The following OSBPL6 variants were observed in gnomAD, a reference collection of about 807,000 sequenced individuals.
OSBPL6 encodes oxysterol-binding protein-related protein 6.
In OSBPL6, 49 loss-of-function variants were observed where a neutral mutation model predicts 125.8. That is an observed-to-expected ratio of 0.39 (90% confidence interval 0.31 to 0.49). OSBPL6 has a LOEUF of 0.49. OSBPL6 is among the 20% of genes least tolerant of loss of function. The probability of loss-of-function intolerance (pLI) is 0.88; values close to 1 mark genes in which losing one functional copy is unlikely to be tolerated. For synonymous variants in OSBPL6, 394 were observed against 391.8 expected, an observed-to-expected ratio of 1.01 and a Z score of -0.07; for missense variants, 986 against 1,135.4, an observed-to-expected ratio of 0.87 and a Z score of 1.89.
intron 1 of OSBPL6, among the ~76,000 whole-genome samples, chr2:178,263,542 T>C (rs1365492744): frequency 1.3e-5 from 2 of 152,182 alleles, no homozygotes; most frequent in Non-Finnish European, 2.9e-5. Flanking sequence ...CCTAGCATCC[T>C]TGGTTTATAA....
At chr2:178,208,106 G>A (rs914283365) in intron 1 of OSBPL6, among the ~76,000 whole-genome samples, 1 of 152,028 alleles carries the variant, frequency 6.6e-6, no homozygotes, top group Admixed American at 6.6e-5. Context: ...CCAACATGGT[G>A]AAACCCCATC....
At chr2:178,364,072 T>G (rs1257740735) in intron 13 of OSBPL6, among the ~76,000 whole-genome samples, 1 of 152,232 alleles carries the variant, frequency 6.6e-6, no homozygotes, top group Non-Finnish European at 1.5e-5. Flanking sequence ...GTATTTAAGT[T>G]TACTGACAGT....
At chr2:178,250,744 G>A (rs984261773) in intron 1 of OSBPL6, among the ~76,000 whole-genome samples, 3 of 151,950 alleles carry the variant, frequency 2.0e-5, no homozygotes, top group Non-Finnish European at 4.4e-5. Context: ...GTCTCATATC[G>A]TGCACTATAA....
At position 178,202,832 on chromosome 2, in the gene OSBPL6, AAAAG is replaced by A. The variant is rs1366971586; in HGVS notation, c.-351+8170_-351+8173del. ...GTGAGACTGTCTCAAAAAAAAAAAA[AAAAG>A]AAAGAAAGAAAAAGATTCTTTTTAT... On this transcript the variant is annotated intron_variant, in intron 1 of 24. Transcript: ENST00000190611. 8.4e-4 allele frequency among the ~76,000 whole-genome samples: 127 copies of A among 151,682 alleles called. 2 individuals are homozygous for A. The highest frequency in any genetic ancestry group is 3.0e-3 in the African/African-American group (122 of 41,328).
chr2:178,339,214 A>G (rs1340329473), intron 10 of OSBPL6, 120 bp downstream of exon 10: 2 of 533,156 alleles, frequency 3.8e-6, no homozygotes, highest in East Asian at 3.3e-5. Flanking sequence ...ACAGACATTC[A>G]TTTATATTCT....
chr2:178,317,188 A>G (rs1687814244), intron 3 of OSBPL6, among the ~76,000 whole-genome samples: 1 of 151,698 alleles, frequency 6.6e-6, no homozygotes, highest in Non-Finnish European at 1.5e-5. Context: ...TAAAATTGTC[A>G]GCAAATATTA....
chr2:178,194,477 A>T (rs2088729564), upstream of OSBPL6: 1 of 151,990 alleles, frequency 6.6e-6, no homozygotes, highest in African/African-American at 2.4e-5. Flanking sequence ...AGCGCAGCGG[A>T]CCACTGGAGG....
rs778014032 is a variant in OSBPL6 at position 178,332,863 on chromosome 2, T to C, written c.487-8T>C. On this transcript the variant is annotated splice_region_variant and splice_polypyrimidine_tract_variant and intron_variant, in intron 7 of 24. Coordinates refer to ENST00000190611, the MANE Select transcript of OSBPL6 (RefSeq NM_032523.4). Reference sequence around the variant, plus strand: ...ACAATTACTTTCTCCTCTCGTTCATTGTTTTAGGTGAAATCCCAGGACTGG... The same window carrying C: ...ACAATTACTTTCTCCTCTCGTTCATCGTTTTAGGTGAAATCCCAGGACTGG... 3.1e-6 allele frequency: 5 copies of C among 1,609,266 alleles called. No homozygotes were observed. The highest frequency in any genetic ancestry group is 4.3e-6 in the Non-Finnish European group (5 of 1,176,266).
At chr2:178,303,081 A>G (rs1159371900) in intron 2 of OSBPL6, among the ~76,000 whole-genome samples, 1 of 152,202 alleles carries the variant, frequency 6.6e-6, no homozygotes, top group Admixed American at 6.5e-5. Context: ...GGAATCAGAA[A>G]CTTCACTCAC....
At chr2:178,318,934 G>A (rs1688001014) in intron 3 of OSBPL6, among the ~76,000 whole-genome samples, 1 of 152,198 alleles carries the variant, frequency 6.6e-6, no homozygotes, top group African/African-American at 2.4e-5. Context: ...CCTACTGTGT[G>A]CCAGCCTTTG....
At chr2:178,355,104 T>TA (rs1180470614) in intron 12 of OSBPL6, among the ~76,000 whole-genome samples, 3 of 152,198 alleles carry the variant, frequency 2.0e-5, no homozygotes, top group African/African-American at 7.2e-5. Flanking sequence ...GAGGGAAATT[T>TA]ATAGCACTAA....
In OSBPL6 at chr2:178,324,272, C is replaced by G; in HGVS notation, c.195+3C>G. 12 of 1,559,300 alleles carry G rather than the reference C, an allele frequency of 7.7e-6. No individual in the cohort carries two copies. Among genetic ancestry groups the G allele is most frequent in the Non-Finnish European group, 9.6e-6 (11 of 1,143,976 alleles). On this transcript the variant is annotated splice_donor_region_variant and intron_variant, in intron 4 of 24. Transcript: ENST00000190611. Reference sequence around the variant, plus strand: ...CGGAGCCAGTCCCCCTCTCCAAGGTCAGTGATGAAATGCGGTGCTTTCTCT... The same window carrying G: ...CGGAGCCAGTCCCCCTCTCCAAGGTGAGTGATGAAATGCGGTGCTTTCTCT...
intron 2 of OSBPL6, among the ~76,000 whole-genome samples, chr2:178,290,916 T>A (rs1685197491): frequency 6.6e-6 from 1 of 152,288 alleles, no homozygotes; most frequent in South Asian, 2.1e-4. Context: ...CTTAATTTTT[T>A]AATTTTATAT....
At chr2:178,291,130 T>C (rs998360626) in intron 2 of OSBPL6, among the ~76,000 whole-genome samples, 58 of 151,836 alleles carry the variant, frequency 3.8e-4, no homozygotes, top group Admixed American at 9.8e-4. Context: ...CCTTTTATTA[T>C]CACTATTATT....
intron 12 of OSBPL6, among the ~76,000 whole-genome samples, chr2:178,352,668 G>GA (rs1175209089): frequency 6.6e-6 from 1 of 152,110 alleles, no homozygotes. Context: ...GGGCATAGTT[G>GA]AAAAAAAGGC....
At chr2:178,305,921 G>T in intron 2 of OSBPL6, 109 bp from the exon 3 acceptor site, 15 of 204,536 alleles carry the variant, frequency 7.3e-5, no homozygotes, top group South Asian at 1.7e-4. Context: ...ATTTCCTAAT[G>T]TGTCAGAGTT....
At chr2:178,228,404 G>A (rs191444987) in intron 1 of OSBPL6, among the ~76,000 whole-genome samples, 201 of 152,262 alleles carry the variant, frequency 1.3e-3, no homozygotes, top group Admixed American at 2.1e-3. Context: ...GTGTGGTGGC[G>A]TGCGCCTGTA....
At chr2:178,200,946 C>T (rs563145468) in intron 1 of OSBPL6, among the ~76,000 whole-genome samples, 1 of 152,148 alleles carries the variant, frequency 6.6e-6, no homozygotes, top group South Asian at 2.1e-4. Context: ...AGGCGCCCGC[C>T]AGCACGCCTG....
rs747608211 is a variant in OSBPL6 at position 178,336,350 on chromosome 2, G to A, written c.707G>A (p.Ser236Asn). Residue 236 changes from serine to asparagine, a missense_variant, in exon 9 of 25, where the codon AGC becomes AAC. Ser to Asn is a conservative substitution (Grantham distance 46, BLOSUM62 1). Transcript: ENST00000190611. ...CAGTCCCCTTTACCATGCAGCAATA[G>A]CCTCCCTGCAACGTGCACAACTGGC... ...PWQSPLPCSN[S>N]LPATCTTGQS... 61 of 1,613,940 alleles carry A rather than the reference G, an allele frequency of 3.8e-5. No individual in the cohort carries two copies. In the East Asian group the frequency reaches 1.4e-3, roughly 36 times the overall value.
Sources: allele counts gnomAD v4.1 joint callset (sites outside exome capture counted in the v4.1 genomes callset), GRCh38; gene constraint gnomAD v4.1.1; transcripts MANE v1.5; gene names NCBI Gene and HGNC (gene_info 2026-07-23, HGNC 2026-07-21).